The following FHIT variants were observed in gnomAD, a reference collection of about 807,000 sequenced individuals.
The protein encoded by FHIT is bis(5'-adenosyl)-triphosphatase.
A neutral mutation model predicts 17.9 loss-of-function variants in FHIT; 19 were observed. The ratio of observed to expected loss-of-function variants is 1.06; its 90% CI spans 0.74 to 1.56. FHIT has a LOEUF of 1.56. Ranked by LOEUF, FHIT falls within the 40% of genes most tolerant of loss-of-function variation. FHIT has a pLI of 0.00. For synonymous variants in FHIT, 81 were observed against 69.7 expected (o/e 1.16, Z -0.81); for missense variants, 248 against 189.2 (o/e 1.31, Z -1.82).
At chr3:59,768,014 G>A (rs1211316729) in intron 8 of FHIT, among the ~76,000 whole-genome samples, 2 of 152,200 alleles carry the variant, frequency 1.3e-5, no homozygotes, top group African/African-American at 4.8e-5. Context: ...TTATAGAGAA[G>A]GGAACAAAGG....
chr3:60,177,336 AAAATG>A (rs1170237510), intron 5 of FHIT, among the ~76,000 whole-genome samples: 2 of 152,194 alleles, frequency 1.3e-5, no homozygotes, highest in African/African-American at 4.8e-5. Context: ...TAATCCAGAA[AAAATG>A]AAACTGCCAG....
intron 5 of FHIT, among the ~76,000 whole-genome samples, chr3:60,021,635 G>C (rs1700556586): frequency 6.6e-6 from 1 of 152,178 alleles, no homozygotes; most frequent in South Asian, 2.1e-4. Flanking sequence ...ATAACCCTTT[G>C]AGTTAGGATA....
intron 4 of FHIT, among the ~76,000 whole-genome samples, chr3:60,578,440 AACACACACACAC>A (rs71748891): frequency 2.8e-5 from 4 of 144,296 alleles, no homozygotes; most frequent in East Asian, 2.1e-4. Flanking sequence ...CCATCTACAA[AACACACACACAC>A]ACACACACAC....
At chr3:60,789,430 A>G (rs1384262969) in intron 4 of FHIT, among the ~76,000 whole-genome samples, 1 of 152,176 alleles carries the variant, frequency 6.6e-6, no homozygotes, top group Non-Finnish European at 1.5e-5. Context: ...AGGCAGGAGG[A>G]TCACTTGAAC....
chr3:59,922,303 A>G (rs924803286), intron 8 of FHIT, 43 bp downstream of exon 8: 1 of 1,468,762 alleles, frequency 6.8e-7, no homozygotes, highest in Non-Finnish European at 9.5e-7. Context: ...TCCCACCGAC[A>G]GTCCCCGTGA....
intron 5 of FHIT, among the ~76,000 whole-genome samples, chr3:60,218,539 T>C (rs570238811): frequency 2.0e-5 from 3 of 152,298 alleles, no homozygotes; most frequent in Non-Finnish European, 2.9e-5. Context: ...CAAACACATA[T>C]GGCCTTTAAA....
At chr3:61,227,327 C>T (rs74721045) in intron 1 of FHIT, among the ~76,000 whole-genome samples, 19,573 of 152,082 alleles carry the variant, frequency 0.13, 1,319 homozygotes, top group South Asian at 0.22. Flanking sequence ...CATTAGTATA[C>T]CTCTGTCCTA....
chr3:60,811,873 C>T (rs1308199029), intron 4 of FHIT, among the ~76,000 whole-genome samples: 3 of 152,078 alleles, frequency 2.0e-5, no homozygotes, highest in Non-Finnish European at 4.4e-5. Context: ...AGAATATTTT[C>T]AAAATCAGCC....
chr3:60,430,395 C>T (rs565815850), intron 5 of FHIT, among the ~76,000 whole-genome samples: 1 of 152,082 alleles, frequency 6.6e-6, no homozygotes, highest in East Asian at 2.0e-4. Context: ...TTCTGACTTC[C>T]ACCTCAAAAT....
chr3:60,926,489 A>G (rs1707621526), intron 3 of FHIT, among the ~76,000 whole-genome samples: 1 of 152,254 alleles, frequency 6.6e-6, no homozygotes, highest in South Asian at 2.1e-4. Flanking sequence ...ACAGAAATAA[A>G]GACGTTCTTT....
intron 5 of FHIT, among the ~76,000 whole-genome samples, chr3:60,147,005 C>A (rs1271811233): frequency 6.6e-6 from 1 of 152,136 alleles, no homozygotes; most frequent in Non-Finnish European, 1.5e-5. Context: ...TCGTACATCT[C>A]CATTTTGACA....
At chr3:60,123,776 C>T (rs1705365380) in intron 5 of FHIT, among the ~76,000 whole-genome samples, 1 of 151,216 alleles carries the variant, frequency 6.6e-6, no homozygotes, top group Admixed American at 6.6e-5. Flanking sequence ...CAGACCACTG[C>T]AAGTGCTGCT....
chr3:60,136,938 C>T (rs1259464555), intron 5 of FHIT, among the ~76,000 whole-genome samples: 1 of 152,112 alleles, frequency 6.6e-6, no homozygotes, highest in Non-Finnish European at 1.5e-5. Context: ...ATAAGAGGTA[C>T]AATATCTCCT....
intron 5 of FHIT, among the ~76,000 whole-genome samples, chr3:60,362,074 T>TA (rs200403965): frequency 0.021 from 3,250 of 151,620 alleles, 95 homozygotes; most frequent in African/African-American, 0.068. Flanking sequence ...TACTGAGATT[T>TA]AAAAAAAAAT....
chr3:60,035,288 G>C (rs936305106), intron 5 of FHIT, among the ~76,000 whole-genome samples: 1 of 152,244 alleles, frequency 6.6e-6, no homozygotes, highest in African/African-American at 2.4e-5. Context: ...CCAGGCTGGA[G>C]TGCAATGGCA....
At chr3:59,762,866 C>T (rs1357273567) in intron 8 of FHIT, among the ~76,000 whole-genome samples, 1 of 152,168 alleles carries the variant, frequency 6.6e-6, no homozygotes, top group Non-Finnish European at 1.5e-5. Context: ...GCAAAAGGGA[C>T]TAGAGATCTC....
At chr3:61,031,867 C>A (rs2107669034) in intron 3 of FHIT, among the ~76,000 whole-genome samples, 1 of 152,286 alleles carries the variant, frequency 6.6e-6, no homozygotes, top group South Asian at 2.1e-4. Context: ...GTGATCCAGC[C>A]AGAATTCTGG....
At chr3:60,156,585 T>TA (rs983759558) in intron 5 of FHIT, among the ~76,000 whole-genome samples, 9 of 148,626 alleles carry the variant, frequency 6.1e-5, no homozygotes, top group East Asian at 2.2e-4. Flanking sequence ...CTTGTCTCTA[T>TA]AAAAATTTTT....
chr3:60,006,046 G>C (rs1699910590), intron 7 of FHIT, among the ~76,000 whole-genome samples: 1 of 152,150 alleles, frequency 6.6e-6, no homozygotes, highest in Non-Finnish European at 1.5e-5. Flanking sequence ...TACCGAGTCA[G>C]CAAAGCATGG....
Sources: allele counts gnomAD v4.1 joint callset (sites outside exome capture counted in the v4.1 genomes callset), GRCh38; gene constraint gnomAD v4.1.1; transcripts MANE v1.5; gene names NCBI Gene and HGNC (gene_info 2026-07-23, HGNC 2026-07-21).